CDH12: variants seen among roughly 807,000 people sequenced by gnomAD.
CDH12 encodes cadherin 12, also known as cadherin-12.
A neutral mutation model predicts 74.1 loss-of-function variants in CDH12; 41 were observed. The observed-to-expected ratio is 0.55, with a 90% CI of 0.43 to 0.72. The LOEUF is 0.72. Among genes scored for constraint, CDH12 ranks in the 30% least tolerant of loss-of-function variants. The probability of loss-of-function intolerance (pLI) is 0.00; values close to 1 mark genes in which losing one functional copy is unlikely to be tolerated. For synonymous variants in CDH12, 399 were observed against 355.0 expected (o/e 1.12, Z -1.39); for missense variants, 945 against 977.2 (o/e 0.97, Z 0.44).
chr5:22,710,922 T>C (rs1021021156), intron 1 of CDH12, among the ~76,000 whole-genome samples: 22 of 152,152 alleles, frequency 1.4e-4, no homozygotes, highest in African/African-American at 4.6e-4. Flanking sequence ...TTGGCACAAT[T>C]ATTTGTATAT....
chr5:22,245,181 A>T (rs1297819289), intron 3 of CDH12, among the ~76,000 whole-genome samples: 1 of 152,204 alleles, frequency 6.6e-6, no homozygotes, highest in East Asian at 1.9e-4. Flanking sequence ...CGAGTGTTTG[A>T]AAAGACGAAG....
At chr5:21,880,617 T>TC (rs1175606424) in intron 6 of CDH12, among the ~76,000 whole-genome samples, 16 of 54,012 alleles carry the variant, frequency 3.0e-4, no homozygotes, top group African/African-American at 1.3e-3. Flanking sequence ...CCTTCCTTCC[T>TC]TCTTTCTTTC....
intron 1 of CDH12, among the ~76,000 whole-genome samples, chr5:22,544,574 G>A (rs995703870): frequency 6.6e-6 from 1 of 152,048 alleles, no homozygotes; most frequent in Admixed American, 6.6e-5. Context: ...CCAACACTTC[G>A]AGAGGCCGAG....
chr5:22,218,119 C>T (rs1034432248), intron 3 of CDH12, among the ~76,000 whole-genome samples: 2 of 151,544 alleles, frequency 1.3e-5, no homozygotes, highest in Non-Finnish European at 3.0e-5. Context: ...ATGTGAAAAA[C>T]CTATAACCCT....
intron 3 of CDH12, among the ~76,000 whole-genome samples, chr5:22,225,193 T>A (rs532566542): frequency 2.0e-5 from 3 of 152,088 alleles, no homozygotes; most frequent in Non-Finnish European, 4.4e-5. Context: ...TTGTGACAAT[T>A]TTATTGACTA....
intron 5 of CDH12, among the ~76,000 whole-genome samples, chr5:22,004,774 A>C (rs1736839590): frequency 6.6e-6 from 1 of 152,158 alleles, no homozygotes; most frequent in African/African-American, 2.4e-5. Context: ...TGTACCCAAT[A>C]GGTTATTTTT....
At chr5:22,061,610 C>T (rs144611458) in intron 5 of CDH12, among the ~76,000 whole-genome samples, 1 of 152,170 alleles carries the variant, frequency 6.6e-6, no homozygotes, top group African/African-American at 2.4e-5. Context: ...CACTGGGGTT[C>T]ATTTCTTATC....
chr5:22,828,053 T>G (rs903047084), intron 1 of CDH12, among the ~76,000 whole-genome samples: 1 of 152,292 alleles, frequency 6.6e-6, no homozygotes, highest in South Asian at 2.1e-4. Flanking sequence ...TGGAGAAGAC[T>G]ACCGCATTTG....
chr5:22,226,349 A>G (rs1752194767), intron 3 of CDH12, among the ~76,000 whole-genome samples: 1 of 152,032 alleles, frequency 6.6e-6, no homozygotes, highest in Non-Finnish European at 1.5e-5. Flanking sequence ...AATGCACCCT[A>G]TAAAAACAGT....
chr5:22,701,964 TGAC>T (rs1742734383), intron 1 of CDH12, among the ~76,000 whole-genome samples: 1 of 152,140 alleles, frequency 6.6e-6, no homozygotes, highest in Admixed American at 6.6e-5. Flanking sequence ...TTTAATAGAC[TGAC>T]ATTTGATATA....
chr5:22,008,882 C>T (rs1359278042), intron 5 of CDH12, among the ~76,000 whole-genome samples: 1 of 152,158 alleles, frequency 6.6e-6, no homozygotes, highest in Non-Finnish European at 1.5e-5. Flanking sequence ...CAGGAGTCCT[C>T]TCTTTCCCTT....
At chr5:22,626,696 T>C (rs565212123) in intron 1 of CDH12, among the ~76,000 whole-genome samples, 12 of 152,306 alleles carry the variant, frequency 7.9e-5, no homozygotes, top group Non-Finnish European at 1.5e-4. Context: ...GAATGTCTTC[T>C]TACCTCTGAA....
intron 3 of CDH12, among the ~76,000 whole-genome samples, chr5:22,337,466 T>A (rs1374117265): frequency 6.6e-6 from 1 of 152,096 alleles, no homozygotes; most frequent in Non-Finnish European, 1.5e-5. Flanking sequence ...AAGGACCTTG[T>A]GGGGGATGAT....
At chr5:22,828,476 T>C (rs556808261) in intron 1 of CDH12, among the ~76,000 whole-genome samples, 1 of 152,200 alleles carries the variant, frequency 6.6e-6, no homozygotes, top group East Asian at 1.9e-4. Flanking sequence ...TTAAAGGTTA[T>C]ATACATACTT....
At chr5:22,803,115 C>T (rs1416787834) in intron 1 of CDH12, among the ~76,000 whole-genome samples, 1 of 152,100 alleles carries the variant, frequency 6.6e-6, no homozygotes. Context: ...AACATATTTG[C>T]TCTGTCTCAA....
intron 5 of CDH12, among the ~76,000 whole-genome samples, chr5:22,055,351 T>C (rs1469524445): frequency 6.6e-6 from 1 of 152,200 alleles, no homozygotes; most frequent in Non-Finnish European, 1.5e-5. Context: ...AAGAGTGACC[T>C]GATTTTGTAA....
intron 3 of CDH12, among the ~76,000 whole-genome samples, chr5:22,347,451 T>C (rs1291396228): frequency 6.6e-6 from 1 of 152,156 alleles, no homozygotes; most frequent in African/African-American, 2.4e-5. Context: ...GTCAGGGGCT[T>C]CCAGACCTTC....
intron 1 of CDH12, among the ~76,000 whole-genome samples, chr5:22,851,453 G>A (rs762256465): frequency 4.6e-5 from 7 of 152,110 alleles, no homozygotes; most frequent in Non-Finnish European, 8.8e-5. Flanking sequence ...AACAATGCCA[G>A]GGCTAATCTT....
chr5:22,285,949 T>C (rs963763891), intron 3 of CDH12, among the ~76,000 whole-genome samples: 4 of 152,090 alleles, frequency 2.6e-5, no homozygotes, highest in African/African-American at 9.6e-5. Context: ...GATAAATGCA[T>C]ATATATCTTT....
Sources: gnomAD v4.1 joint callset for allele counts (sites outside exome capture counted in the v4.1 genomes callset) on GRCh38, gnomAD v4.1.1 for gene constraint, MANE v1.5 for transcripts, NCBI Gene and HGNC (gene_info 2026-07-23, HGNC 2026-07-21) for gene names.